Variants in SPAG17 observed in about 807,000 individuals in gnomAD.
The protein encoded by SPAG17 is sperm-associated antigen 17.
In SPAG17, 169 loss-of-function variants were observed where a neutral mutation model predicts 273.6. The ratio of observed to expected loss-of-function variants is 0.62; its 90% CI spans 0.55 to 0.70. SPAG17 has a LOEUF of 0.70. SPAG17 is among the 30% of genes least tolerant of loss of function. The probability of loss-of-function intolerance (pLI) is 0.00; values close to 1 mark genes in which losing one functional copy is unlikely to be tolerated. For missense variants in SPAG17, 2,557 were observed against 2,627.8 expected (o/e 0.97, Z 0.59); for synonymous variants, 825 against 873.2 (o/e 0.94, Z 0.97).
chr1:117,967,858 A>C (rs1654051241), intron 46 of SPAG17, among the ~76,000 whole-genome samples: 1 of 152,230 alleles, frequency 6.6e-6, no homozygotes, highest in Admixed American at 6.5e-5. Flanking sequence ...AGTTATCTAG[A>C]AAAAAATAAA....
chr1:118,141,720 G>A (rs1219245029), intron 3 of SPAG17, among the ~76,000 whole-genome samples: 1 of 152,126 alleles, frequency 6.6e-6, no homozygotes, highest in Non-Finnish European at 1.5e-5. Flanking sequence ...CCCAGTTCAC[G>A]TGAAGATTTA....
At chr1:118,079,701 A>G (rs1275326927) in intron 15 of SPAG17, among the ~76,000 whole-genome samples, 3 of 151,644 alleles carry the variant, frequency 2.0e-5, no homozygotes, top group African/African-American at 7.3e-5. Context: ...TGTTTAGTTA[A>G]TTAATCTTTA....
intron 28 of SPAG17, among the ~76,000 whole-genome samples, chr1:118,020,632 A>C (rs1660410932): frequency 1.3e-5 from 2 of 152,260 alleles, no homozygotes; most frequent in South Asian, 2.1e-4. Context: ...ATTATAAGGA[A>C]CGCAGCACCA....
intron 2 of SPAG17, 40 bp from the exon 3 acceptor site, chr1:118,150,669 T>C (rs752376275): frequency 8.6e-7 from 1 of 1,165,344 alleles, no homozygotes; most frequent in Non-Finnish European, 1.3e-6. Context: ...AAAAAAGCCT[T>C]ATTTGAAGAA....
At chr1:118,092,064 A>T in intron 8 of SPAG17, 62 bp from the exon 9 acceptor site, 1 of 1,377,322 alleles carries the variant, frequency 7.3e-7, no homozygotes, top group Non-Finnish European at 1.0e-6. Flanking sequence ...GCCCTCATCA[A>T]ATGCTGGTAT....
intron 3 of SPAG17, among the ~76,000 whole-genome samples, chr1:118,130,193 T>C (rs1657980398): frequency 6.6e-6 from 1 of 152,162 alleles, no homozygotes; most frequent in African/African-American, 2.4e-5. Flanking sequence ...GGGAAAGCCC[T>C]TAATGAGCAG....
intron 34 of SPAG17, among the ~76,000 whole-genome samples, chr1:117,995,971 C>T (rs1440139447): frequency 6.6e-6 from 1 of 152,042 alleles, no homozygotes; most frequent in African/African-American, 2.4e-5. Flanking sequence ...CTATCAATTT[C>T]ATCAAAGCAA....
intron 48 of SPAG17, chr1:117,960,801 A>G (rs926334561): frequency 1.1e-4 from 16 of 152,228 alleles, no homozygotes; most frequent in Admixed American, 6.5e-5. Context: ...TGCACCATGT[A>G]TGATCTGTAT....
chr1:118,050,358 C>G (rs1394450312), intron 20 of SPAG17, among the ~76,000 whole-genome samples: 1 of 152,192 alleles, frequency 6.6e-6, no homozygotes, highest in Non-Finnish European at 1.5e-5. Flanking sequence ...CACTTCTGCT[C>G]TAAAACTTAC....
intron 20 of SPAG17, among the ~76,000 whole-genome samples, chr1:118,046,208 A>T (rs1650334948): frequency 6.6e-6 from 1 of 152,012 alleles, no homozygotes; most frequent in African/African-American, 2.4e-5. Flanking sequence ...ATGGTGGCAC[A>T]CTGCTATAGT....
At chr1:118,044,250 G>A (rs1650093422) in intron 20 of SPAG17, among the ~76,000 whole-genome samples, 1 of 152,126 alleles carries the variant, frequency 6.6e-6, no homozygotes, top group Non-Finnish European at 1.5e-5. Flanking sequence ...ACTTTGGGAG[G>A]CCAAGGCGGG....
At chr1:118,147,673 G>C (rs149522030) in intron 3 of SPAG17, among the ~76,000 whole-genome samples, 1 of 152,216 alleles carries the variant, frequency 6.6e-6, no homozygotes, top group African/African-American at 2.4e-5. Flanking sequence ...GCCATGGCTA[G>C]ATGAAATTCT....
chr1:117,993,191 G>A (rs1344425845), intron 35 of SPAG17, among the ~76,000 whole-genome samples: 2 of 152,118 alleles, frequency 1.3e-5, no homozygotes, highest in Non-Finnish European at 2.9e-5. Flanking sequence ...TTATACTTGT[G>A]ATCGATTTTC....
At chr1:118,167,829 G>C (rs1660243141) in intron 1 of SPAG17, among the ~76,000 whole-genome samples, 1 of 152,098 alleles carries the variant, frequency 6.6e-6, no homozygotes, top group Non-Finnish European at 1.5e-5. Context: ...GGTCATGGGG[G>C]TGGATTTTTC....
intron 40 of SPAG17, 52 bp downstream of exon 40, chr1:117,987,782 C>G: frequency 6.3e-7 from 1 of 1,589,918 alleles, no homozygotes; most frequent in Non-Finnish European, 8.6e-7. Flanking sequence ...CATTCTCAGT[C>G]TATTACTCTG....
At chr1:117,998,267 G>A (rs1380801527) in intron 32 of SPAG17, among the ~76,000 whole-genome samples, 2 of 152,156 alleles carry the variant, frequency 1.3e-5, no homozygotes, top group African/African-American at 2.4e-5. Flanking sequence ...TCAATCTTCT[G>A]CATATAGCTA....
intron 3 of SPAG17, among the ~76,000 whole-genome samples, chr1:118,147,891 T>C (rs1012946492): frequency 1.3e-5 from 2 of 152,182 alleles, no homozygotes; most frequent in Non-Finnish European, 2.9e-5. Context: ...CTCACTTTAG[T>C]TTGCTGCTTC....
chr1:118,041,998 T>C lies in SPAG17; in HGVS notation c.2859A>G (p.Leu953=). 2 of 1,613,962 alleles carry C rather than the reference T, an allele frequency of 1.2e-6. No individual in the cohort carries two copies. The highest frequency in any genetic ancestry group is 2.2e-5 in the South Asian group (2 of 91,058). ...EQHRLAEEER[L]REEKKAEKKG... ...TCTTCTCTGCTTTCTTTTCTTCCCT[T>C]AAGCGCTCCTCTTCTGCTAATCGAT... is the stretch of plus-strand genomic sequence containing the variant. The change falls in exon 21 of 49, where the codon TTA becomes TTG. Residue 953 remains leucine, a synonymous_variant. Transcript: ENST00000336338.
intron 7 of SPAG17, among the ~76,000 whole-genome samples, chr1:118,093,699 A>T (rs1049369883): frequency 1.3e-5 from 2 of 152,154 alleles, no homozygotes; most frequent in Non-Finnish European, 2.9e-5. Context: ...CAAGCTATAG[A>T]TGATTTCTTA....
Sources: gnomAD v4.1 joint callset for allele counts (sites outside exome capture counted in the v4.1 genomes callset) on GRCh38, gnomAD v4.1.1 for gene constraint, MANE v1.5 for transcripts, NCBI Gene and HGNC (gene_info 2026-07-23, HGNC 2026-07-21) for gene names.